TSHZ2: variants seen among roughly 807,000 people sequenced by gnomAD.
TSHZ2 encodes the protein teashirt homolog 2.
A neutral mutation model predicts 74.4 loss-of-function variants in TSHZ2; 21 were observed. The ratio of observed to expected loss-of-function variants is 0.28; its 90% CI spans 0.20 to 0.41. The LOEUF (loss-of-function observed/expected upper bound fraction) is 0.41, where lower values mean the gene tolerates loss of function less well. Ranked by LOEUF, TSHZ2 falls within the 10% of genes least tolerant of loss-of-function variation. The probability of loss-of-function intolerance (pLI) is 1.00; values close to 1 mark genes in which losing one functional copy is unlikely to be tolerated. For missense variants in TSHZ2, 1,244 were observed against 1,293.5 expected, an observed-to-expected ratio of 0.96 and a Z score of 0.59; for synonymous variants, 540 against 515.3, an observed-to-expected ratio of 1.05 and a Z score of -0.65.
intron 2 of TSHZ2, among the ~76,000 whole-genome samples, chr20:53,449,456 TGTC>T (rs1370101984): frequency 6.6e-6 from 1 of 152,270 alleles, no homozygotes; most frequent in Non-Finnish European, 1.5e-5. Context: ...CGTTGAAGGC[TGTC>T]AACAGTGACT....
chr20:53,112,078 G>A (rs957012659), intron 1 of TSHZ2, among the ~76,000 whole-genome samples: 3 of 152,146 alleles, frequency 2.0e-5, no homozygotes, highest in African/African-American at 7.2e-5. Context: ...TCACCTATAT[G>A]ACCCAGTTGC....
At chr20:53,051,457 G>GCACACA (rs11474223) in intron 1 of TSHZ2, among the ~76,000 whole-genome samples, 6,004 of 145,076 alleles carry the variant, frequency 0.041, 147 homozygotes, top group East Asian at 0.086. Context: ...TGTGGCGCAC[G>GCACACA]CACACACACA....
At chr20:53,317,803 C>T (rs565655756) in intron 2 of TSHZ2, among the ~76,000 whole-genome samples, 3 of 152,310 alleles carry the variant, frequency 2.0e-5, no homozygotes, top group Admixed American at 6.5e-5. Context: ...ACACACAGCC[C>T]ATGTTCTGGA....
chr20:53,340,805 C>T (rs138908572), intron 2 of TSHZ2, among the ~76,000 whole-genome samples: 1 of 152,126 alleles, frequency 6.6e-6, no homozygotes, highest in Non-Finnish European at 1.5e-5. Flanking sequence ...ACATGAGAGA[C>T]AGCAGTGAGT....
chr20:53,218,993 C>T (rs1430267686), intron 1 of TSHZ2, among the ~76,000 whole-genome samples: 1 of 152,160 alleles, frequency 6.6e-6, no homozygotes, highest in African/African-American at 2.4e-5. Flanking sequence ...TGATTCAAAA[C>T]AAGATTGGGC....
chr20:52,979,766 A>C (rs191714028), intron 1 of TSHZ2, among the ~76,000 whole-genome samples: 1 of 152,320 alleles, frequency 6.6e-6, no homozygotes, highest in East Asian at 1.9e-4. Flanking sequence ...AATTATTTAC[A>C]ATTTTAGAAA....
At chr20:53,479,727 A>AC (rs1486061685) in intron 2 of TSHZ2, among the ~76,000 whole-genome samples, 1 of 152,188 alleles carries the variant, frequency 6.6e-6, no homozygotes, top group African/African-American at 2.4e-5. Context: ...TTTGTCCTCC[A>AC]CGCCCAATGG....
chr20:53,110,287 A>G (rs1429043134), intron 1 of TSHZ2, among the ~76,000 whole-genome samples: 1 of 151,494 alleles, frequency 6.6e-6, no homozygotes, highest in African/African-American at 2.4e-5. Flanking sequence ...CCAAATTTTT[A>G]TTTTTCAGCC....
intron 1 of TSHZ2, among the ~76,000 whole-genome samples, chr20:53,039,787 C>T (rs6022243): frequency 1.1e-3 from 22 of 20,876 alleles, no homozygotes; most frequent in East Asian, 0.014. Flanking sequence ...CTCAAACACA[C>T]ACACACACAC....
intron 2 of TSHZ2, among the ~76,000 whole-genome samples, chr20:53,406,696 C>T (rs973268443): frequency 6.6e-6 from 1 of 152,202 alleles, no homozygotes; most frequent in Admixed American, 6.5e-5. Flanking sequence ...AAGCAGGCAA[C>T]ATCTTCTTCT....
In TSHZ2 at chr20:53,469,616, G is replaced by A. The variant is rs201560444; in HGVS notation, c.*9-17528G>A. ...AGGAAGGACCCAAGAAAGATAGATA[G>A]AGAGGGAGGAAGGGAGGGAGGAAGG... On this transcript the variant is annotated intron_variant, in intron 2 of 2. Coordinates refer to ENST00000371497, the MANE Select transcript of TSHZ2 (RefSeq NM_173485.6). Among the ~76,000 whole-genome samples, 85 of 98,866 alleles carry A rather than the reference G, an allele frequency of 8.6e-4. 1 individual carries two copies. Among genetic ancestry groups the A allele is most frequent in the Middle Eastern group, 5.3e-3 (1 of 188 alleles). 64.9% of individuals were successfully genotyped at this position (98,866 alleles called of 152,430 possible). A position where few individuals can be genotyped will look rare whatever the true frequency, so the allele number is the denominator to read the frequency against.
chr20:52,976,658 A>G (rs950855872), intron 1 of TSHZ2, among the ~76,000 whole-genome samples: 2 of 152,208 alleles, frequency 1.3e-5, no homozygotes, highest in East Asian at 1.9e-4. Context: ...TCTACAGCCT[A>G]TCTCAGCCTC....
intron 1 of TSHZ2, among the ~76,000 whole-genome samples, chr20:53,050,239 TAA>T (rs1984412873): frequency 6.7e-6 from 1 of 149,894 alleles, no homozygotes; most frequent in Admixed American, 6.7e-5. Context: ...AGTGGCTACT[TAA>T]AAAGTGTTTT....
intron 2 of TSHZ2, among the ~76,000 whole-genome samples, chr20:53,316,904 T>C (rs976883644): frequency 1.3e-5 from 2 of 152,052 alleles, no homozygotes; most frequent in African/African-American, 4.8e-5. Context: ...CAATAAATGG[T>C]TTCTTTTATT....
intron 1 of TSHZ2, among the ~76,000 whole-genome samples, chr20:53,086,340 C>G (rs75252357): frequency 0.014 from 2,089 of 152,138 alleles, 60 homozygotes; most frequent in African/African-American, 0.048. Flanking sequence ...GACTTTCCTT[C>G]TCTCAAGATC....
At chr20:53,149,216 G>A (rs369970662) in intron 1 of TSHZ2, among the ~76,000 whole-genome samples, 72 of 151,004 alleles carry the variant, frequency 4.8e-4, no homozygotes, top group African/African-American at 1.6e-3. Flanking sequence ...TCCTCTGCTG[G>A]TGAGCCATAC....
chr20:53,309,504 T>C (rs1327828127), intron 2 of TSHZ2, among the ~76,000 whole-genome samples: 1 of 152,158 alleles, frequency 6.6e-6, no homozygotes, highest in Non-Finnish European at 1.5e-5. Context: ...AAGAAACCAC[T>C]GTACATTAGA....
chr20:53,462,158 G>A (rs2145815667), intron 2 of TSHZ2, among the ~76,000 whole-genome samples: 2 of 152,304 alleles, frequency 1.3e-5, no homozygotes, highest in Middle Eastern at 3.4e-3. Context: ...GGAGGTTGAG[G>A]TGGAAGAATC....
chr20:53,286,163 G>T (rs1480328469), intron 2 of TSHZ2, among the ~76,000 whole-genome samples: 1 of 152,180 alleles, frequency 6.6e-6, no homozygotes, highest in Non-Finnish European at 1.5e-5. Flanking sequence ...GTTTACATGT[G>T]TTTTAAAATT....
Sources: allele counts gnomAD v4.1 joint callset (sites outside exome capture counted in the v4.1 genomes callset), GRCh38; gene constraint gnomAD v4.1.1; transcripts MANE v1.5; gene names NCBI Gene and HGNC (gene_info 2026-07-23, HGNC 2026-07-21).